Variants in OLFM2 observed in about 807,000 individuals in gnomAD.
The protein encoded by OLFM2 is olfactomedin 2.
Under a neutral mutation model 43.9 loss-of-function variants are expected in OLFM2, and 20 were observed. That is an observed-to-expected ratio of 0.46 (90% CI 0.32 to 0.66). The LOEUF (loss-of-function observed/expected upper bound fraction) is 0.66, where lower values mean the gene tolerates loss of function less well. OLFM2 is among the 30% of genes least tolerant of loss of function. The probability of loss-of-function intolerance (pLI) is 0.04; values close to 1 mark genes in which losing one functional copy is unlikely to be tolerated. For synonymous variants in OLFM2, 268 were observed against 278.6 expected, an observed-to-expected ratio of 0.96 and a Z score of 0.38; for missense variants, 416 against 643.6, an observed-to-expected ratio of 0.65 and a Z score of 3.83.
chr19:9,888,748 A>C (rs971227009), intron 1 of OLFM2, among the ~76,000 whole-genome samples: 3 of 152,014 alleles, frequency 2.0e-5, no homozygotes, highest in Admixed American at 6.6e-5. Flanking sequence ...CTTGCACACA[A>C]CAGGCACCTG....
At position 9,860,674 on chromosome 19, in the gene OLFM2, T is replaced by C; in HGVS notation, c.184A>G (p.Ser62Gly). The change falls in exon 2 of 6, where the codon AGT becomes GGT. Residue 62 changes from serine (S) to glycine (G), a missense_variant. By Grantham distance (56) the Ser-to-Gly change is moderately conservative. Transcript: ENST00000264833. ...AQSTCSRDGR[S>G]RELRQLMEKV... Reference sequence around the variant, plus strand: ...TCCATCAGTTGCCGCAGCTCCCGACTCCTGCCATCTCGAGAGCAGGTACTC... The same window carrying C: ...TCCATCAGTTGCCGCAGCTCCCGACCCCTGCCATCTCGAGAGCAGGTACTC... The C allele has an allele frequency of 6.3e-7, 1 of 1,596,176 alleles. No homozygotes were observed. The highest frequency in any genetic ancestry group is 1.3e-5 in the African/African-American group (1 of 74,744).
At chr19:9,887,670 A>T (rs1331807946) in intron 1 of OLFM2, among the ~76,000 whole-genome samples, 1 of 151,762 alleles carries the variant, frequency 6.6e-6, no homozygotes, top group East Asian at 1.9e-4. Flanking sequence ...GCAGCCAGAG[A>T]GCACCTGTGA....
intron 1 of OLFM2, chr19:9,913,651 C>T (rs1223077778): frequency 1.7e-6 from 2 of 1,201,370 alleles, no homozygotes; most frequent in Non-Finnish European, 1.0e-6. Context: ...GGCCGCCCGC[C>T]GCGCGTCCCT....
At chr19:9,921,523 C>CT (rs1275354827) in intron 1 of OLFM2, among the ~76,000 whole-genome samples, 1 of 150,776 alleles carries the variant, frequency 6.6e-6, no homozygotes, top group African/African-American at 2.5e-5. Context: ...GAGTCTCACT[C>CT]TGTCACCGAG....
chr19:9,890,250 G>A (rs943216247), intron 1 of OLFM2, among the ~76,000 whole-genome samples: 1 of 152,128 alleles, frequency 6.6e-6, no homozygotes, highest in Admixed American at 6.5e-5. Context: ...GAAGGTGTCT[G>A]CACTGTTTTC....
intron 1 of OLFM2, among the ~76,000 whole-genome samples, chr19:9,926,445 C>T (rs112820216): frequency 0.021 from 3,185 of 150,540 alleles, 116 homozygotes; most frequent in African/African-American, 0.074. Context: ...CCAGCTATTC[C>T]GGAGGCTGAG....
chr19:9,857,480 C>T lies in OLFM2; in HGVS notation c.363G>A (p.Glu121=), dbSNP rs1274679154. ...DGSLSAKSFQ[E]LKDRMTELLP... is the part of the protein sequence containing the mutation. ...ACAGTTCCGTCATCCTGTCCTTCAGCTCCTGTGCATCAAGATGGAACCATG... is the reference window on the plus strand; with the variant it reads ...ACAGTTCCGTCATCCTGTCCTTCAGTTCCTGTGCATCAAGATGGAACCATG... The change falls in exon 4 of 6, where the codon GAG becomes GAA. Residue 121 remains glutamate (E), a splice_region_variant and synonymous_variant. Coordinates refer to ENST00000264833, the MANE Select transcript of OLFM2 (RefSeq NM_058164.4). The surrounding 1 kb of genome is among the most constrained non-coding windows in gnomAD (Gnocchi z 5.7). 1.2e-6 allele frequency: 2 copies of T among 1,613,530 alleles called. No homozygotes were observed. The highest frequency in any genetic ancestry group is 1.7e-5 in the Admixed American group (1 of 60,012).
chr19:9,892,851 G>A (rs1336942591), intron 1 of OLFM2, among the ~76,000 whole-genome samples: 1 of 152,172 alleles, frequency 6.6e-6, no homozygotes, highest in Non-Finnish European at 1.5e-5. Flanking sequence ...ACTTCTCTAA[G>A]ATAAGCCCAT....
At chr19:9,901,755 T>A (rs1206654245) in intron 1 of OLFM2, among the ~76,000 whole-genome samples, 2 of 152,186 alleles carry the variant, frequency 1.3e-5, no homozygotes, top group Admixed American at 6.5e-5. Flanking sequence ...ACGCCTGTGT[T>A]GTTTATCCAC....
At chr19:9,871,123 T>C (rs933583263) in intron 1 of OLFM2, among the ~76,000 whole-genome samples, 2 of 151,402 alleles carry the variant, frequency 1.3e-5, no homozygotes, top group Admixed American at 1.3e-4. Context: ...TACAAAAAAT[T>C]AGCTGGGCAT....
chr19:9,907,182 G>A (rs1167189149), intron 1 of OLFM2, among the ~76,000 whole-genome samples: 5 of 152,116 alleles, frequency 3.3e-5, no homozygotes, highest in Admixed American at 6.5e-5. Context: ...GGGGCCGGGC[G>A]TGGTGGTTCA....
chr19:9,931,275 G>T (rs1345519948), intron 1 of OLFM2, among the ~76,000 whole-genome samples: 2 of 152,116 alleles, frequency 1.3e-5, no homozygotes, highest in African/African-American at 2.4e-5. Flanking sequence ...GTGGAGACAG[G>T]GTCTCAGTCT....
chr19:9,928,547 G>C (rs2145009891), intron 1 of OLFM2, among the ~76,000 whole-genome samples: 1 of 152,260 alleles, frequency 6.6e-6, no homozygotes, highest in East Asian at 1.9e-4. Context: ...GCTCATGCCT[G>C]TAATCCCAGC....
chr19:9,879,411 C>T (rs1019444511), intron 1 of OLFM2, among the ~76,000 whole-genome samples: 2 of 151,986 alleles, frequency 1.3e-5, no homozygotes, highest in Admixed American at 1.3e-4. Flanking sequence ...GGATTACAGG[C>T]GTGAGCCACC....
At chr19:9,909,325 C>G (rs7251521) in intron 1 of OLFM2, among the ~76,000 whole-genome samples, 94,033 of 151,546 alleles carry the variant, frequency 0.62, 29,381 homozygotes, top group Admixed American at 0.67. Flanking sequence ...AAATGATGTC[C>G]GTGGCTGGCA....
chr19:9,904,266 A>G (rs537459633), intron 1 of OLFM2, among the ~76,000 whole-genome samples: 7 of 149,898 alleles, frequency 4.7e-5, no homozygotes, highest in Non-Finnish European at 7.4e-5. Context: ...TCTCGGCTCT[A>G]TGCAACCTCC....
intron 1 of OLFM2, among the ~76,000 whole-genome samples, chr19:9,893,998 G>A (rs939915758): frequency 2.0e-5 from 3 of 151,902 alleles, no homozygotes; most frequent in African/African-American, 7.2e-5. Context: ...GAGCATTCAA[G>A]AGGGTTTTCT....
chr19:9,903,996 T>G (rs144919616), intron 1 of OLFM2, among the ~76,000 whole-genome samples: 1 of 152,106 alleles, frequency 6.6e-6, no homozygotes, highest in Admixed American at 6.6e-5. Context: ...ATCACTATCA[T>G]GGGCACTACA....
intron 1 of OLFM2, among the ~76,000 whole-genome samples, chr19:9,863,083 CTT>C (rs1342311883): frequency 6.6e-6 from 1 of 151,460 alleles, no homozygotes; most frequent in Non-Finnish European, 1.5e-5. Flanking sequence ...AACCTGAAGT[CTT>C]TGTTCAAGAC....
Sources: gnomAD v4.1 joint callset for allele counts (sites outside exome capture counted in the v4.1 genomes callset) on GRCh38, gnomAD v4.1.1 for gene constraint, Gnocchi (gnomAD v3.1) non-coding constraint, MANE v1.5 for transcripts, NCBI Gene and HGNC (gene_info 2026-07-23, HGNC 2026-07-21) for gene names.